MTR: variants seen among roughly 807,000 people sequenced by gnomAD.
MTR encodes methionine synthase.
Under a neutral mutation model 154.8 loss-of-function variants are expected in MTR, and 84 were observed. The ratio of observed to expected loss-of-function variants is 0.54; its 90% CI spans 0.45 to 0.65. The LOEUF is 0.65. MTR is among the 30% of genes least tolerant of loss of function. MTR has a pLI of 0.00. For missense variants in MTR, 1,275 were observed against 1,570.2 expected (o/e 0.81, Z 3.18); for synonymous variants, 554 against 553.9 (o/e 1.00, Z 0.00).
At chr1:236,891,357 C>T in intron 29 of MTR, 28 bp downstream of exon 29, 1 of 1,604,630 alleles carries the variant, frequency 6.2e-7, no homozygotes, top group Non-Finnish European at 8.5e-7. Flanking sequence ...ACAGCCAGCA[C>T]ACCGCTTTCG....
At chr1:236,825,713 C>T (rs72762112) in intron 10 of MTR, among the ~76,000 whole-genome samples, 5,312 of 152,248 alleles carry the variant, frequency 0.035, 149 homozygotes, top group Non-Finnish European at 0.053. Context: ...GCCCTCACAC[C>T]CCTCAGACTG....
intron 15 of MTR, among the ~76,000 whole-genome samples, chr1:236,845,405 G>C (rs1663510796): frequency 6.6e-6 from 1 of 152,236 alleles, no homozygotes; most frequent in African/African-American, 2.4e-5. Flanking sequence ...GGTCTGTGTA[G>C]ATACAGCAGT....
intron 3 of MTR, among the ~76,000 whole-genome samples, chr1:236,807,060 T>A (rs1463470669): frequency 6.6e-6 from 1 of 152,250 alleles, no homozygotes; most frequent in Non-Finnish European, 1.5e-5. Context: ...ATATATAGCA[T>A]GTATTCAAGT....
At chr1:236,863,189 G>T (rs1664646234) in intron 21 of MTR, among the ~76,000 whole-genome samples, 1 of 152,212 alleles carries the variant, frequency 6.6e-6, no homozygotes, top group African/African-American at 2.4e-5. Flanking sequence ...TAAGGATGTG[G>T]TCTTCAGCTG....
At chr1:236,848,598 A>C (rs951878905) in intron 15 of MTR, among the ~76,000 whole-genome samples, 1 of 152,128 alleles carries the variant, frequency 6.6e-6, no homozygotes, top group African/African-American at 2.4e-5. Context: ...CAGAGGAAGT[A>C]AGCATTGAGA....
intron 15 of MTR, 48 bp from the exon 16 acceptor site, chr1:236,850,296 A>G: frequency 7.6e-7 from 1 of 1,314,840 alleles, no homozygotes; most frequent in Non-Finnish European, 1.0e-6. Flanking sequence ...TAATATTTTA[A>G]TAGATAATTT....
chr1:236,818,426 A>G (rs915516103), intron 8 of MTR, among the ~76,000 whole-genome samples: 1 of 152,198 alleles, frequency 6.6e-6, no homozygotes, highest in Non-Finnish European at 1.5e-5. Context: ...TCTTCCTGCC[A>G]CTGCCTCACC....
chr1:236,885,928 G>C (rs933463522), intron 26 of MTR, among the ~76,000 whole-genome samples: 2 of 152,174 alleles, frequency 1.3e-5, no homozygotes, highest in Non-Finnish European at 2.9e-5. Context: ...ACAGTGGACA[G>C]TTTCTTTAAT....
rs1664523489 is a variant in MTR, at chr1:236,861,160, A to T, written c.2079A>T (p.Glu693Asp). The T allele has an allele frequency of 6.2e-7, 1 of 1,608,792 alleles. No homozygotes were observed. Among genetic ancestry groups the T allele is most frequent in the Admixed American group, 1.7e-5 (1 of 59,460 alleles). Residue 693 changes from glutamate (E) to aspartate (D), a missense_variant, in exon 20 of 33, where the codon GAA (glutamate) becomes GAT (aspartate). Physicochemically the swap from Glu to Asp is conservative, Grantham distance 45. Transcript: ENST00000366577. ...IEKHIIEDTE[E>D]ARLNQKKYPR... is the part of the protein sequence containing the mutation. ...AACATATTATTGAGGATACTGAGGAAGCCAGGTTAAACCAAAAAAAATATC... is the reference window on the plus strand; with the variant it reads ...AACATATTATTGAGGATACTGAGGATGCCAGGTTAAACCAAAAAAAATATC...
At chr1:236,887,319 G>T (rs1455931830) in intron 27 of MTR, among the ~76,000 whole-genome samples, 2 of 152,170 alleles carry the variant, frequency 1.3e-5, no homozygotes, top group African/African-American at 2.4e-5. Flanking sequence ...GGAGCTCGGG[G>T]TTCTCATCCC....
In MTR at chr1:236,853,060, C is replaced by T; in HGVS notation, c.1925C>T (p.Ala642Val). The stretch of plus-strand genomic sequence containing the variant: ...CTCATCTGGAATAAAGACCCTGAGG[C>T]CACTGAGAAGCTCTTACGTTATGCC... ...EDLIWNKDPE[A>V]TEKLLRYAQT... Residue 642 changes from alanine (A) to valine (V), a missense_variant, in exon 18 of 33, where the codon GCC becomes GTC. Ala to Val is a moderately conservative substitution (Grantham distance 64, BLOSUM62 0). Transcript: ENST00000366577. 2 of 1,613,844 alleles carry T rather than the reference C, an allele frequency of 1.2e-6. No individual in the cohort carries two copies. Among genetic ancestry groups the T allele is most frequent in the African/African-American group, 2.7e-5 (2 of 74,938 alleles).
chr1:236,831,169 T>C (rs1038073965), intron 12 of MTR, among the ~76,000 whole-genome samples: 6 of 152,250 alleles, frequency 3.9e-5, no homozygotes, highest in Non-Finnish European at 8.8e-5. Flanking sequence ...TATAACCATC[T>C]AATGAGACTG....
intron 25 of MTR, among the ~76,000 whole-genome samples, chr1:236,882,470 A>G (rs1456301217): frequency 6.6e-6 from 1 of 150,538 alleles, no homozygotes; most frequent in Non-Finnish European, 1.5e-5. Context: ...GGCTTACTGC[A>G]ACCTACGCCT....
At position 236,903,719 on chromosome 1, in the gene MTR, T is replaced by G. The variant is rs1273176966; in HGVS notation, c.*6075T>G. Reference sequence around the variant, plus strand: ...ATCTGGCGACCTGCTGAGTGTGAACTTGCAGCAGGTGAGGAAGGAACTCTG... The same window carrying G: ...ATCTGGCGACCTGCTGAGTGTGAACGTGCAGCAGGTGAGGAAGGAACTCTG... On this transcript the variant is annotated 3_prime_UTR_variant, in exon 33 of 33. Transcript: ENST00000366577. 1 of 152,158 alleles carries G rather than the reference T, an allele frequency of 6.6e-6. No individual in the cohort carries two copies. The highest frequency in any genetic ancestry group is 1.9e-4 in the East Asian group (1 of 5,196). 9.4% of individuals were successfully genotyped at this position (152,158 alleles called of 1,614,324 possible).
intron 22 of MTR, among the ~76,000 whole-genome samples, chr1:236,865,678 A>G (rs1284521608): frequency 6.6e-6 from 1 of 152,206 alleles, no homozygotes. Flanking sequence ...AGAATTGCAA[A>G]TTTGAGGATT....
In MTR at chr1:236,796,434, T is replaced by A. The variant is rs202171235; in HGVS notation, c.34+697T>A. On this transcript the variant is annotated intron_variant, in intron 1 of 32. Transcript: ENST00000366577. ...CTCTAAGGTCATGCCTGATTATAAT[T>A]TGAGGACAAATACACCCGTAAAAAC... 3.9e-5 allele frequency among the ~76,000 whole-genome samples: 6 copies of A among 152,308 alleles called. No individual in the cohort carries two copies. The East Asian group carries it at 1.2e-3, about 29-fold the overall frequency.
chr1:236,876,853 A>G (rs1220415445), intron 24 of MTR, among the ~76,000 whole-genome samples: 2 of 152,224 alleles, frequency 1.3e-5, no homozygotes, highest in Admixed American at 1.3e-4. Context: ...ACATCTCTTC[A>G]GTTACTGCGA....
At chr1:236,806,428 T>G (rs552070315) in intron 3 of MTR, among the ~76,000 whole-genome samples, 195 bp downstream of exon 3, 2 of 152,222 alleles carry the variant, frequency 1.3e-5, no homozygotes, top group Non-Finnish European at 2.9e-5. Context: ...TCCAACTGGC[T>G]TCTTTTATGG....
At chr1:236,885,370 T>C in intron 26 of MTR, 151 bp downstream of exon 26, 1 of 647,656 alleles carries the variant, frequency 1.5e-6, no homozygotes, top group Non-Finnish European at 2.7e-6. Context: ...AAATCAGAGG[T>C]CTTCAGTGTC....
Sources: allele counts gnomAD v4.1 joint callset (sites outside exome capture counted in the v4.1 genomes callset), GRCh38; gene constraint gnomAD v4.1.1; transcripts MANE v1.5; gene names NCBI Gene and HGNC (gene_info 2026-07-23, HGNC 2026-07-21).